Variants in SHISA9 observed in about 807,000 individuals in gnomAD.
SHISA9 encodes shisa family member 9.
SHISA9 carries 13 observed loss-of-function variants against 38.0 expected under a neutral mutation model. That is an observed-to-expected ratio of 0.34 (90% confidence interval 0.22 to 0.54). The LOEUF (loss-of-function observed/expected upper bound fraction) is 0.54. SHISA9 is among the 20% of genes least tolerant of loss of function. The pLI is 0.91. For synonymous variants in SHISA9, 275 were observed against 242.0 expected (o/e 1.14, Z -1.27); for missense variants, 538 against 575.8 (o/e 0.93, Z 0.67).
intron 2 of SHISA9, among the ~76,000 whole-genome samples, chr16:13,047,745 G>T (rs1043280974): frequency 2.0e-4 from 30 of 152,060 alleles, no homozygotes; most frequent in Admixed American, 1.0e-3. Context: ...TCTCACTCGA[G>T]GCTCACACAA....
At chr16:13,355,816 G>C in the SHISA9 span, among the ~76,000 whole-genome samples, 3 of 152,160 alleles carry the variant, frequency 2.0e-5, no homozygotes, top group African/African-American at 7.2e-5. Flanking sequence ...CGAGGCGATC[G>C]GGCAGTGTCA....
chr16:13,490,222 C>T, the SHISA9 span, among the ~76,000 whole-genome samples: 1 of 152,240 alleles, frequency 6.6e-6, no homozygotes, highest in South Asian at 2.1e-4. Context: ...CATGGAAGAG[C>T]ACAACACAAT....
chr16:13,359,599 T>G, the SHISA9 span, among the ~76,000 whole-genome samples: 1 of 152,220 alleles, frequency 6.6e-6, no homozygotes, highest in African/African-American at 2.4e-5. Flanking sequence ...CCAATATGGG[T>G]GAAAACTCCA....
intron 1 of SHISA9, chr16:12,910,453 G>C (rs1953534030): frequency 1.0e-6 from 1 of 985,212 alleles, no homozygotes; most frequent in South Asian, 4.7e-5. Flanking sequence ...TCAGGAGACA[G>C]GTAACACACA....
At chr16:13,492,013 T>G in the SHISA9 span, among the ~76,000 whole-genome samples, 1 of 151,458 alleles carries the variant, frequency 6.6e-6, no homozygotes. Context: ...AGTGACCTTT[T>G]GAATAGAAGT....
the SHISA9 span, among the ~76,000 whole-genome samples, chr16:13,500,632 G>A: frequency 1.4e-5 from 2 of 144,756 alleles, no homozygotes; most frequent in Admixed American, 6.9e-5. Context: ...GAGAGGGAGA[G>A]AAGGAGGGGC....
intron 2 of SHISA9, among the ~76,000 whole-genome samples, chr16:13,029,123 C>A (rs959527508): frequency 2.0e-5 from 3 of 152,144 alleles, no homozygotes; most frequent in African/African-American, 7.2e-5. Flanking sequence ...CATGCTTCAA[C>A]AATCCCATTA....
intron 3 of SHISA9, among the ~76,000 whole-genome samples, chr16:13,210,728 A>G (rs1278500100): frequency 6.6e-6 from 1 of 152,206 alleles, no homozygotes. Context: ...TGAGGGAGGC[A>G]TCAGTACCCC....
At chr16:13,113,209 C>CAAAAAAAAAAAAAAAAAAAAA (rs35316820) in intron 2 of SHISA9, among the ~76,000 whole-genome samples, 2 of 65,262 alleles carry the variant, frequency 3.1e-5, no homozygotes, top group African/African-American at 6.1e-5. Flanking sequence ...GACTCCATCT[C>CAAAAAAAAAAAAAAAAAAAAA]AAAAAAAAAA....
chr16:13,258,147 A>G, the SHISA9 span, among the ~76,000 whole-genome samples: 3 of 152,142 alleles, frequency 2.0e-5, no homozygotes, highest in Admixed American at 6.5e-5. Flanking sequence ...TCCCTCCCCT[A>G]CAACTCCATT....
the SHISA9 span, among the ~76,000 whole-genome samples, chr16:13,317,383 C>A: frequency 6.6e-6 from 1 of 152,226 alleles, no homozygotes; most frequent in Non-Finnish European, 1.5e-5. Context: ...GTAAACTCAG[C>A]AGGGAGTTCT....
At position 13,142,989 on chromosome 16, in the gene SHISA9, CTTTTA is replaced by C. The variant is rs3075119; in HGVS notation, c.692-60374_692-60370del. Among the ~76,000 whole-genome samples, 82 of 141,364 alleles carry C rather than the reference CTTTTA, an allele frequency of 5.8e-4. 1 individual carries two copies. The highest frequency in any genetic ancestry group is 3.1e-3 in the East Asian group (15 of 4,816). The allele number at this position is 141,364 out of a possible 152,430, so 92.7% of individuals were successfully genotyped here. On this transcript the variant is annotated intron_variant, in intron 2 of 4. Transcript: ENST00000558583. ...GATGAAGAACCTCTGTAGCTGTTTCCTTTTATTTTATTTTATTTTATTTTATTTTA... is the reference window on the plus strand; with the variant it reads ...GATGAAGAACCTCTGTAGCTGTTTCCTTTTATTTTATTTTATTTTATTTTA...
the SHISA9 span, among the ~76,000 whole-genome samples, chr16:13,497,987 C>T: frequency 6.6e-6 from 1 of 150,688 alleles, no homozygotes; most frequent in African/African-American, 2.4e-5. Flanking sequence ...AATTTGTGAG[C>T]AATAGAAAAA....
chr16:12,952,821 A>G (rs1326095103), intron 2 of SHISA9, among the ~76,000 whole-genome samples: 1 of 152,118 alleles, frequency 6.6e-6, no homozygotes, highest in Non-Finnish European at 1.5e-5. Context: ...TTCTTCATAA[A>G]TTACCCAGTC....
intron 2 of SHISA9, among the ~76,000 whole-genome samples, chr16:13,080,968 T>G (rs1483919618): frequency 6.6e-6 from 1 of 152,180 alleles, no homozygotes; most frequent in African/African-American, 2.4e-5. Flanking sequence ...GTAATCTCTC[T>G]CATGTCTCTT....
chr16:12,954,873 A>G (rs1409376030), intron 2 of SHISA9, among the ~76,000 whole-genome samples: 1 of 152,112 alleles, frequency 6.6e-6, no homozygotes, highest in African/African-American at 2.4e-5. Context: ...CTATGTGCAC[A>G]TGTGTTATTT....
At chr16:13,203,072 A>G (rs2051021557) in intron 2 of SHISA9, 1 of 188,468 alleles carries the variant, frequency 5.3e-6, no homozygotes, top group African/African-American at 2.3e-5. Flanking sequence ...ACTGTTACTG[A>G]GATTGGGCAT....
At chr16:13,232,508 T>C (rs1312193972) in intron 4 of SHISA9, among the ~76,000 whole-genome samples, 1 of 152,148 alleles carries the variant, frequency 6.6e-6, no homozygotes, top group African/African-American at 2.4e-5. Flanking sequence ...CTTGAAGAGA[T>C]TTATTCTGAG....
At chr16:13,240,798 A>G (rs1183620649), downstream of SHISA9, among the ~76,000 whole-genome samples, 2 of 152,178 alleles carry the variant, frequency 1.3e-5, no homozygotes, top group African/African-American at 2.4e-5. Flanking sequence ...GGAAGATTCG[A>G]TTCTTCCCCT....
Sources: gnomAD v4.1 joint callset for allele counts (sites outside exome capture counted in the v4.1 genomes callset) on GRCh38, gnomAD v4.1.1 for gene constraint, MANE v1.5 for transcripts, NCBI Gene and HGNC (gene_info 2026-07-23, HGNC 2026-07-21) for gene names.